Variants in SLC25A16 observed in about 807,000 individuals in gnomAD.
The protein encoded by SLC25A16 is solute carrier family 25 member 16.
Under a neutral mutation model 41.5 loss-of-function variants are expected in SLC25A16, and 39 were observed. That is an observed-to-expected ratio of 0.94 (90% CI 0.73 to 1.23). The LOEUF is 1.23. Ranked by LOEUF, SLC25A16 falls within the 50% of genes most tolerant of loss-of-function variation. The pLI is 0.00. For missense variants in SLC25A16, 421 were observed against 426.9 expected (o/e 0.99, Z 0.12); for synonymous variants, 146 against 147.8 (o/e 0.99, Z 0.09).
intron 4 of SLC25A16, 146 bp downstream of exon 4, chr10:68,503,486 T>C (rs2052893363): frequency 3.9e-6 from 2 of 507,578 alleles, no homozygotes. Context: ...ATACCTTTTT[T>C]TGAGGATGCA....
chr10:68,513,955 G>A (rs1271038947), intron 2 of SLC25A16, among the ~76,000 whole-genome samples: 10 of 152,102 alleles, frequency 6.6e-5, no homozygotes, highest in Admixed American at 6.6e-4. Context: ...TCAGTACTTT[G>A]GGAGACCAAG....
Position 68,486,889 on chromosome 10 carries a change from G to A in SLC25A16, c.842+255C>T, listed in dbSNP as rs181054067. Among the ~76,000 whole-genome samples, 151 of 149,102 alleles carry A rather than the reference G, an allele frequency of 1.0e-3. 2 individuals carry two copies. Among genetic ancestry groups the A allele is most frequent in the Middle Eastern group, 3.5e-3 (1 of 286 alleles). ...AAAGAATCACTTGAACCCAGGAGGC[G>A]GAGGTTACAGTTAGCCAAGACCATG... is the stretch of plus-strand genomic sequence containing the variant. On this transcript the variant is annotated intron_variant, in intron 8 of 8. Coordinates refer to ENST00000609923, the MANE Select transcript of SLC25A16 (RefSeq NM_152707.4).
At chr10:68,498,284 CA>C (rs1213844934) in intron 4 of SLC25A16, among the ~76,000 whole-genome samples, 2 of 151,802 alleles carry the variant, frequency 1.3e-5, no homozygotes, top group East Asian at 3.9e-4. Context: ...AATTCTGGAT[CA>C]GAGCTCAAGG....
rs146960593 is a variant in SLC25A16, at chr10:68,492,903, A to C, written c.610+229T>G. 3.1e-3 allele frequency among the ~76,000 whole-genome samples: 466 copies of C among 152,248 alleles called. 3 individuals carry two copies. Among genetic ancestry groups the C allele is most frequent in the African/African-American group, 0.011 (440 of 41,558 alleles). ...TCATCTAACGTAAGTGTGTGTTAAC[A>C]AGACTACAGCTGGCTCAGATATTAA... On this transcript the variant is annotated intron_variant, in intron 6 of 8. Coordinates refer to ENST00000609923, the MANE Select transcript of SLC25A16 (RefSeq NM_152707.4).
intron 6 of SLC25A16, among the ~76,000 whole-genome samples, chr10:68,490,922 C>T (rs1021330553): frequency 6.6e-6 from 1 of 151,564 alleles, no homozygotes; most frequent in Admixed American, 6.6e-5. Context: ...CAGGGTCTTA[C>T]TCTGTCATTC....
intron 2 of SLC25A16, among the ~76,000 whole-genome samples, chr10:68,514,295 G>A (rs1259960094): frequency 6.6e-6 from 1 of 152,036 alleles, no homozygotes; most frequent in Non-Finnish European, 1.5e-5. Context: ...ACGAGTTCCA[G>A]ACCAGCCTGG....
intron 4 of SLC25A16, among the ~76,000 whole-genome samples, chr10:68,502,041 C>CT (rs971881275): frequency 2.0e-4 from 31 of 151,668 alleles, no homozygotes; most frequent in Non-Finnish European, 4.4e-4. Context: ...TACTAAAATA[C>CT]AAAAATCAGC....
intron 2 of SLC25A16, among the ~76,000 whole-genome samples, chr10:68,514,427 C>T (rs545299639): frequency 6.6e-6 from 1 of 151,994 alleles, no homozygotes; most frequent in Non-Finnish European, 1.5e-5. Flanking sequence ...ACCCGGAAGG[C>T]GGAGGTTGCA....
intron 3 of SLC25A16, among the ~76,000 whole-genome samples, chr10:68,505,685 G>C (rs1050821113): frequency 1.3e-5 from 2 of 152,078 alleles, no homozygotes; most frequent in Admixed American, 1.3e-4. Context: ...AGTGAGCCAA[G>C]ATCATGTCAT....
intron 2 of SLC25A16, among the ~76,000 whole-genome samples, chr10:68,509,756 T>TAGATAG (rs200336290): frequency 0.035 from 5,153 of 148,136 alleles, 126 homozygotes; most frequent in Middle Eastern, 0.079. Flanking sequence ...TATATATAGA[T>TAGATAG]ATATAGATAT....
chr10:68,494,878 TAAA>T (rs548778691), intron 4 of SLC25A16, among the ~76,000 whole-genome samples: 1 of 119,574 alleles, frequency 8.4e-6, no homozygotes, highest in Non-Finnish European at 1.8e-5. Flanking sequence ...AAACTGCATC[TAAA>T]AAAAAAAAAA....
chr10:68,526,429 T>G (rs2053338867), intron 1 of SLC25A16, among the ~76,000 whole-genome samples: 1 of 152,070 alleles, frequency 6.6e-6, no homozygotes, highest in Non-Finnish European at 1.5e-5. Flanking sequence ...CCCTGACACA[T>G]CCCCCTCTTC....
intron 1 of SLC25A16, among the ~76,000 whole-genome samples, chr10:68,522,814 CAAAAAAAAAAA>C (rs58143466): frequency 3.1e-5 from 2 of 65,468 alleles, no homozygotes; most frequent in African/African-American, 6.4e-5. Context: ...GATTCCTTCT[CAAAAAAAAAAA>C]AAAAAAAAAA....
chr10:68,524,707 C>CAAA (rs1182825187), intron 1 of SLC25A16, among the ~76,000 whole-genome samples: 4 of 68,512 alleles, frequency 5.8e-5, no homozygotes, highest in African/African-American at 1.1e-4. Context: ...GACTCCATCT[C>CAAA]AAAAAAAAAA....
chr10:68,483,691 T>C, intron 8 of SLC25A16, 103 bp from the exon 9 acceptor site: 2 of 933,678 alleles, frequency 2.1e-6, no homozygotes, highest in Non-Finnish European at 3.1e-6. Flanking sequence ...ACTCTTGCTC[T>C]GTCACCCAGA....
rs1384276582 is a variant in SLC25A16, at chr10:68,480,404, C to T, written c.*3028G>A. Reference sequence around the variant, plus strand: ...CATGGATAAAATTTATTTTTAATATCCTCTGTATTCTATAACATATAGAAT... The same window carrying T: ...CATGGATAAAATTTATTTTTAATATTCTCTGTATTCTATAACATATAGAAT... On this transcript the variant is annotated 3_prime_UTR_variant, in exon 9 of 9. Coordinates refer to ENST00000609923, the MANE Select transcript of SLC25A16 (RefSeq NM_152707.4). 6.6e-6 allele frequency: 1 copy of T among 151,414 alleles called. No homozygotes were observed. Among genetic ancestry groups the T allele is most frequent in the Non-Finnish European group, 1.5e-5 (1 of 67,948 alleles). The allele number at this position is 151,414 out of a possible 1,614,324, so 9.4% of individuals were successfully genotyped here.
chr10:68,500,769 T>C (rs1398447592), intron 4 of SLC25A16, among the ~76,000 whole-genome samples: 2 of 148,586 alleles, frequency 1.3e-5, no homozygotes, highest in Non-Finnish European at 3.0e-5. Context: ...CCATCTCTAC[T>C]AAAAATCCAA....
intron 1 of SLC25A16, among the ~76,000 whole-genome samples, chr10:68,523,991 T>C (rs981250046): frequency 1.3e-5 from 2 of 151,382 alleles, no homozygotes; most frequent in South Asian, 4.2e-4. Flanking sequence ...ATCCCACCAC[T>C]CTGGGAGGCC....
At chr10:68,486,794 A>G (rs2052571282) in intron 8 of SLC25A16, among the ~76,000 whole-genome samples, 1 of 151,660 alleles carries the variant, frequency 6.6e-6, no homozygotes, top group Non-Finnish European at 1.5e-5. Context: ...TATTTCTACT[A>G]AAAATACAAA....
Sources: allele counts gnomAD v4.1 joint callset (sites outside exome capture counted in the v4.1 genomes callset), GRCh38; gene constraint gnomAD v4.1.1; transcripts MANE v1.5; gene names NCBI Gene and HGNC (gene_info 2026-07-23, HGNC 2026-07-21).